Variants in MAD1L1 observed in about 807,000 individuals in gnomAD.
MAD1L1 encodes mitotic spindle assembly checkpoint protein MAD1.
MAD1L1 carries 95 observed loss-of-function variants against 96.9 expected under a neutral mutation model. The ratio of observed to expected loss-of-function variants is 0.98; its 90% CI spans 0.83 to 1.16. The LOEUF (loss-of-function observed/expected upper bound fraction) is 1.16, where lower values mean the gene tolerates loss of function less well. MAD1L1 is among the 50% of genes most tolerant of loss of function. The pLI is 0.00. For missense variants in MAD1L1, 1,007 were observed against 954.4 expected, an observed-to-expected ratio of 1.06 and a Z score of -0.73; for synonymous variants, 473 against 396.6, an observed-to-expected ratio of 1.19 and a Z score of -2.29.
At chr7:1,872,524 C>G (rs1785163234) in intron 18 of MAD1L1, 1 of 152,300 alleles carries the variant, frequency 6.6e-6, no homozygotes, top group Non-Finnish European at 1.5e-5. Context: ...GCCTGCGACA[C>G]CGAACTGGGC....
At chr7:1,881,329 C>T (rs941969593) in intron 18 of MAD1L1, among the ~76,000 whole-genome samples, 1 of 152,174 alleles carries the variant, frequency 6.6e-6, no homozygotes, top group Non-Finnish European at 1.5e-5. Flanking sequence ...TCAAGGTCAT[C>T]GCCAAGGTCT....
At chr7:2,216,375 A>T in intron 7 of MAD1L1, 88 bp from the exon 8 acceptor site, 1 of 1,393,284 alleles carries the variant, frequency 7.2e-7, no homozygotes, top group East Asian at 2.4e-5. Flanking sequence ...AAGAGAAGGA[A>T]GCCGGTCTGC....
rs151048787 is a variant in MAD1L1, at chr7:2,077,611, G to A, written c.1074-8273C>T. Among the ~76,000 whole-genome samples the A allele has an allele frequency of 3.9e-3, 596 of 152,368 alleles. 7 individuals are homozygous for A. The highest frequency in any genetic ancestry group is 0.013 in the African/African-American group (561 of 41,588). On this transcript the variant is annotated intron_variant, in intron 11 of 18. Coordinates refer to ENST00000265854, the MANE Select transcript of MAD1L1 (RefSeq NM_001013836.2). ...CAGCGGTTGGGAGGGCTGCGACCCAGCGGGGAGCAGTGAACTCTAACTGGT... is the reference window on the plus strand; with the variant it reads ...CAGCGGTTGGGAGGGCTGCGACCCAACGGGGAGCAGTGAACTCTAACTGGT...
intron 11 of MAD1L1, among the ~76,000 whole-genome samples, chr7:2,078,835 C>T (rs1178241025): frequency 6.6e-6 from 1 of 152,206 alleles, no homozygotes; most frequent in Admixed American, 6.5e-5. Context: ...GCAGCACCGG[C>T]CCCAGTCCCC....
intron 18 of MAD1L1, among the ~76,000 whole-genome samples, chr7:1,842,391 C>T (rs963974294): frequency 8.5e-5 from 13 of 152,354 alleles, no homozygotes; most frequent in African/African-American, 2.4e-4. Context: ...CCTCCAGGAG[C>T]CCGGCCTCAG....
At chr7:2,141,762 T>C (rs979917442) in intron 11 of MAD1L1, among the ~76,000 whole-genome samples, 6 of 152,090 alleles carry the variant, frequency 3.9e-5, no homozygotes, top group Non-Finnish European at 8.8e-5. Flanking sequence ...AGGCACCATC[T>C]CACGTCCAAG....
chr7:2,165,528 A>ACC, intron 10 of MAD1L1, among the ~76,000 whole-genome samples: 2 of 152,310 alleles, frequency 1.3e-5, no homozygotes, highest in Middle Eastern at 6.8e-3. Context: ...CACCAGGACC[A>ACC]CCCTCTGCAG....
chr7:2,187,936 C>T (rs1791537546), intron 10 of MAD1L1, among the ~76,000 whole-genome samples: 1 of 152,110 alleles, frequency 6.6e-6, no homozygotes, highest in Admixed American at 6.5e-5. Flanking sequence ...CTCAAGCTGC[C>T]AAACACATAT....
chr7:1,938,547 C>A (rs117100204), intron 16 of MAD1L1, among the ~76,000 whole-genome samples: 15 of 151,458 alleles, frequency 9.9e-5, no homozygotes, highest in African/African-American at 3.4e-4. Flanking sequence ...CCAGAACATA[C>A]GAAGAAGTCA....
At chr7:2,046,887 G>A (rs1042760014) in intron 12 of MAD1L1, among the ~76,000 whole-genome samples, 1 of 152,188 alleles carries the variant, frequency 6.6e-6, no homozygotes, top group Non-Finnish European at 1.5e-5. Flanking sequence ...ACAGTGCCCG[G>A]CCCCCTGTCC....
chr7:2,054,036 C>T (rs1003548034), intron 12 of MAD1L1, among the ~76,000 whole-genome samples: 2 of 152,180 alleles, frequency 1.3e-5, no homozygotes, highest in African/African-American at 2.4e-5. Context: ...CCCGGGTGCC[C>T]GCAGACAGGG....
intron 11 of MAD1L1, among the ~76,000 whole-genome samples, chr7:2,136,021 T>G (rs1788732087): frequency 6.6e-6 from 1 of 151,218 alleles, no homozygotes. Context: ...AGGGCAGGGG[T>G]CACAGCCTTC....
chr7:2,029,851 G>A (rs1783142933), intron 12 of MAD1L1, among the ~76,000 whole-genome samples: 1 of 152,126 alleles, frequency 6.6e-6, no homozygotes, highest in South Asian at 2.1e-4. Context: ...GTAATTTGAG[G>A]TTGATGTGCG....
chr7:2,131,132 C>G (rs546878224), intron 11 of MAD1L1, among the ~76,000 whole-genome samples: 1 of 152,332 alleles, frequency 6.6e-6, no homozygotes, highest in East Asian at 1.9e-4. Flanking sequence ...GCACTATGAG[C>G]TCCTTCAAGA....
intron 12 of MAD1L1, among the ~76,000 whole-genome samples, chr7:2,044,691 C>T (rs1289725701): frequency 1.3e-5 from 2 of 152,138 alleles, no homozygotes; most frequent in Non-Finnish European, 1.5e-5. Flanking sequence ...ACAGCGAGGG[C>T]GACTCAGCAC....
intron 17 of MAD1L1, among the ~76,000 whole-genome samples, chr7:1,904,068 C>A (rs1237858622): frequency 8.6e-6 from 1 of 116,382 alleles, no homozygotes; most frequent in African/African-American, 3.0e-5. Flanking sequence ...TTCCAGGCAG[C>A]GAGGATGCAG....
chr7:1,917,601 G>C (rs1272774873), intron 17 of MAD1L1, among the ~76,000 whole-genome samples: 2 of 152,260 alleles, frequency 1.3e-5, no homozygotes, highest in African/African-American at 4.8e-5. Context: ...TACTTGGCTT[G>C]AGTTACAAGC....
chr7:1,845,863 A>G (rs1783592286), intron 18 of MAD1L1: 1 of 152,626 alleles, frequency 6.6e-6, no homozygotes, highest in African/African-American at 2.4e-5. Flanking sequence ...CTGGGGAGGC[A>G]GAGATCCCTC....
intron 10 of MAD1L1, among the ~76,000 whole-genome samples, chr7:2,182,625 G>C (rs1289611838): frequency 1.3e-5 from 2 of 152,202 alleles, no homozygotes; most frequent in Non-Finnish European, 2.9e-5. Context: ...ATGACCACGT[G>C]CCATGTGGTG....
Sources: gnomAD v4.1 joint callset for allele counts (sites outside exome capture counted in the v4.1 genomes callset) on GRCh38, gnomAD v4.1.1 for gene constraint, MANE v1.5 for transcripts, NCBI Gene and HGNC (gene_info 2026-07-23, HGNC 2026-07-21) for gene names.